The following IGF1R variants were observed in gnomAD, a reference collection of about 807,000 sequenced individuals.
The protein encoded by IGF1R is insulin like growth factor 1 receptor.
IGF1R carries 44 observed loss-of-function variants against 144.6 expected under a neutral mutation model. That is an observed-to-expected ratio of 0.30 (90% CI 0.24 to 0.39). IGF1R has a LOEUF of 0.39. IGF1R is among the 10% of genes least tolerant of loss of function. The probability of loss-of-function intolerance (pLI) is 1.00; values close to 1 mark genes in which losing one functional copy is unlikely to be tolerated. For synonymous variants in IGF1R, 795 were observed against 722.8 expected, an observed-to-expected ratio of 1.10 and a Z score of -1.60; for missense variants, 1,355 against 1,833.7, an observed-to-expected ratio of 0.74 and a Z score of 4.77.
intron 2 of IGF1R, among the ~76,000 whole-genome samples, chr15:98,864,654 G>A (rs913685595): frequency 6.6e-6 from 1 of 152,226 alleles, no homozygotes; most frequent in South Asian, 2.1e-4. Context: ...CCAAAGGGCT[G>A]TGATTACAGG....
intron 2 of IGF1R, among the ~76,000 whole-genome samples, chr15:98,796,673 TC>T (rs1318696511): frequency 6.6e-6 from 1 of 152,216 alleles, no homozygotes; most frequent in African/African-American, 2.4e-5. Context: ...GCACTTATTT[TC>T]TAACATATGA....
intron 15 of IGF1R, among the ~76,000 whole-genome samples, chr15:98,934,239 G>A (rs1053350695): frequency 6.6e-6 from 1 of 151,818 alleles, no homozygotes; most frequent in African/African-American, 2.4e-5. Context: ...CCCAGGCATA[G>A]CATCTGTGTT....
chr15:98,897,281 A>G (rs1401837091), intron 4 of IGF1R: 3 of 219,888 alleles, frequency 1.4e-5, no homozygotes, highest in Non-Finnish European at 2.7e-5. Context: ...TCAAGTCTAA[A>G]GAGTTTTGGT....
intron 2 of IGF1R, among the ~76,000 whole-genome samples, chr15:98,848,026 G>A (rs577048552): frequency 3.3e-5 from 5 of 152,266 alleles, no homozygotes; most frequent in Admixed American, 2.0e-4. Flanking sequence ...CCTAGGAAGA[G>A]TGTGACCTAG....
At chr15:98,907,207 C>G (rs1048033670) in intron 5 of IGF1R, among the ~76,000 whole-genome samples, 1 of 152,180 alleles carries the variant, frequency 6.6e-6, no homozygotes, top group African/African-American at 2.4e-5. Flanking sequence ...TGTGAATGTT[C>G]AGGAAAATGT....
chr15:98,854,967 T>G (rs769573422), intron 2 of IGF1R, among the ~76,000 whole-genome samples: 3 of 150,928 alleles, frequency 2.0e-5, no homozygotes, highest in Admixed American at 6.6e-5. Flanking sequence ...GTGGAGTACC[T>G]TACCCTGCCT....
At chr15:98,792,025 G>T (rs544300811) in intron 2 of IGF1R, among the ~76,000 whole-genome samples, 2 of 152,318 alleles carry the variant, frequency 1.3e-5, no homozygotes, top group East Asian at 3.9e-4. Context: ...CTCCCTGTTT[G>T]TGGGGCCCAG....
intron 2 of IGF1R, among the ~76,000 whole-genome samples, chr15:98,847,667 T>C (rs2011385583): frequency 6.6e-6 from 1 of 152,228 alleles, no homozygotes; most frequent in African/African-American, 2.4e-5. Flanking sequence ...AGTTGGCTTG[T>C]GTGATGAGGC....
At chr15:98,949,571 A>G (rs893545479) in intron 20 of IGF1R, among the ~76,000 whole-genome samples, 4 of 151,984 alleles carry the variant, frequency 2.6e-5, no homozygotes, top group South Asian at 2.1e-4. Flanking sequence ...GGGTTTTACC[A>G]TATTGGCCAG....
intron 19 of IGF1R, among the ~76,000 whole-genome samples, chr15:98,943,301 T>C (rs1480082436): frequency 6.6e-6 from 1 of 152,250 alleles, no homozygotes; most frequent in Admixed American, 6.5e-5. Flanking sequence ...CTTCAGCAGA[T>C]ACCGATTATG....
chr15:98,936,151 C>G (rs1293402033), intron 17 of IGF1R, among the ~76,000 whole-genome samples: 1 of 152,204 alleles, frequency 6.6e-6, no homozygotes, highest in Non-Finnish European at 1.5e-5. Context: ...TTTCCTCAGA[C>G]TCTACGTCCA....
intron 2 of IGF1R, among the ~76,000 whole-genome samples, chr15:98,885,782 A>T (rs1342721348): frequency 6.7e-6 from 1 of 149,132 alleles, no homozygotes; most frequent in East Asian, 2.0e-4. Flanking sequence ...CCCCTCTTTC[A>T]TGTTTTGTTC....
At chr15:98,874,816 G>C (rs779765347) in intron 2 of IGF1R, among the ~76,000 whole-genome samples, 1 of 152,158 alleles carries the variant, frequency 6.6e-6, no homozygotes, top group Admixed American at 6.5e-5. Flanking sequence ...GTGGGGAGTC[G>C]GCCCTCCTTT....
At chr15:98,920,787 C>T (rs183172449) in intron 10 of IGF1R, among the ~76,000 whole-genome samples, 77 of 152,260 alleles carry the variant, frequency 5.1e-4, no homozygotes, top group Admixed American at 7.8e-4. Context: ...GTAGGACCCC[C>T]GTGTGCCACT....
At chr15:98,817,457 G>T (rs1390229571) in intron 2 of IGF1R, among the ~76,000 whole-genome samples, 1 of 152,104 alleles carries the variant, frequency 6.6e-6, no homozygotes, top group African/African-American at 2.4e-5. Context: ...AGGAGTGCTG[G>T]GTTGGGGGCC....
At chr15:98,698,788 G>A (rs1162755191) in intron 1 of IGF1R, among the ~76,000 whole-genome samples, 1 of 152,204 alleles carries the variant, frequency 6.6e-6, no homozygotes, top group African/African-American at 2.4e-5. Flanking sequence ...ATTTCAAGAA[G>A]CTTCTGTTTT....
chr15:98,667,959 A>G (rs1256824401), intron 1 of IGF1R, among the ~76,000 whole-genome samples: 1 of 152,014 alleles, frequency 6.6e-6, no homozygotes, highest in Non-Finnish European at 1.5e-5. Context: ...GGCTGTATGG[A>G]TGTCTTAGCT....
chr15:98,793,041 C>G (rs1596308739), intron 2 of IGF1R, among the ~76,000 whole-genome samples: 1 of 152,118 alleles, frequency 6.6e-6, no homozygotes, highest in East Asian at 1.9e-4. Context: ...AAAGACTGGT[C>G]CATTCCCCAG....
chr15:98,710,541 G>A (rs1309031738), intron 2 of IGF1R, among the ~76,000 whole-genome samples: 1 of 152,016 alleles, frequency 6.6e-6, no homozygotes, highest in Non-Finnish European at 1.5e-5. Flanking sequence ...ACATAGTATA[G>A]CAAAAACTCT....
Sources: gnomAD v4.1 joint callset for allele counts (sites outside exome capture counted in the v4.1 genomes callset) on GRCh38, gnomAD v4.1.1 for gene constraint, MANE v1.5 for transcripts, NCBI Gene and HGNC (gene_info 2026-07-23, HGNC 2026-07-21) for gene names.